PABPC4L: variants seen among roughly 807,000 people sequenced by gnomAD.
PABPC4L encodes the protein polyadenylate-binding protein 4-like.
For missense variants in PABPC4L, 452 were observed against 451.4 expected, an observed-to-expected ratio of 1.00 and a Z score of -0.01; for synonymous variants, 169 against 164.1, an observed-to-expected ratio of 1.03 and a Z score of -0.23.
the PABPC4L span, among the ~76,000 whole-genome samples, chr4:133,982,594 A>G: frequency 2.0e-5 from 3 of 152,060 alleles, no homozygotes; most frequent in African/African-American, 7.2e-5. Context: ...AATAAATAGT[A>G]AGAAGTTTCA....
At chr4:133,997,145 A>T in the PABPC4L span, among the ~76,000 whole-genome samples, 1 of 152,132 alleles carries the variant, frequency 6.6e-6, no homozygotes, top group African/African-American at 2.4e-5. Context: ...ACCATACTGA[A>T]ATTAGGTTAA....
the PABPC4L span, among the ~76,000 whole-genome samples, chr4:134,109,598 T>C: frequency 6.6e-6 from 1 of 151,514 alleles, no homozygotes; most frequent in African/African-American, 2.4e-5. Flanking sequence ...ATTCAAGAAA[T>C]AAAGGAAAAT....
chr4:133,992,664 G>C, the PABPC4L span, among the ~76,000 whole-genome samples: 1 of 152,120 alleles, frequency 6.6e-6, no homozygotes, highest in African/African-American at 2.4e-5. Flanking sequence ...AAGAGATGAG[G>C]CCAATAGAAT....
the PABPC4L span, among the ~76,000 whole-genome samples, chr4:134,117,577 T>G: frequency 6.6e-6 from 1 of 151,756 alleles, no homozygotes; most frequent in African/African-American, 2.4e-5. Flanking sequence ...AAAATTATTG[T>G]TGGTTTGAAC....
the PABPC4L span, among the ~76,000 whole-genome samples, chr4:134,172,185 A>T: frequency 1.3e-5 from 2 of 152,154 alleles, no homozygotes; most frequent in African/African-American, 4.8e-5. Flanking sequence ...TTCACATGGA[A>T]CCAAAAAAAA....
At chr4:134,174,122 A>G in the PABPC4L span, among the ~76,000 whole-genome samples, 34 of 152,062 alleles carry the variant, frequency 2.2e-4, no homozygotes, top group South Asian at 1.2e-3. Context: ...ACATCAACAC[A>G]CATTTTCCTA....
chr4:134,078,296 G>C, the PABPC4L span, among the ~76,000 whole-genome samples: 4 of 152,222 alleles, frequency 2.6e-5, no homozygotes, highest in East Asian at 7.7e-4. Flanking sequence ...AGCACCAAAA[G>C]CACGTGTATA....
the PABPC4L span, among the ~76,000 whole-genome samples, chr4:134,144,137 T>C: frequency 6.6e-6 from 1 of 151,536 alleles, no homozygotes; most frequent in Admixed American, 6.6e-5. Context: ...ACCTTTTTCT[T>C]TGTAGTTTTT....
chr4:133,984,796 G>A, the PABPC4L span, among the ~76,000 whole-genome samples: 2 of 151,814 alleles, frequency 1.3e-5, no homozygotes, highest in Admixed American at 1.3e-4. Flanking sequence ...AAATGACAGC[G>A]AGATTAGAGA....
At chr4:133,972,229 G>A in the PABPC4L span, among the ~76,000 whole-genome samples, 1 of 152,068 alleles carries the variant, frequency 6.6e-6, no homozygotes, top group Non-Finnish European at 1.5e-5. Context: ...TATCATTGGT[G>A]GCATAATAAT....
the PABPC4L span, among the ~76,000 whole-genome samples, chr4:133,978,441 C>T: frequency 6.6e-6 from 1 of 152,060 alleles, no homozygotes; most frequent in South Asian, 2.1e-4. Flanking sequence ...TACTTCATCT[C>T]TACAAATAAT....
chr4:134,201,224 C>T lies in PABPC4L; in HGVS notation c.-205G>A. On this transcript the variant is annotated 5_prime_UTR_variant, in exon 2 of 2. Coordinates refer to ENST00000421491, the MANE Select transcript of PABPC4L (RefSeq NM_001114734.2). ...AGTCCCCACAGCCACCAATCTGGCC[C>T]TCCTAGGACGCGGCAACAGAACTGT... The T allele has an allele frequency of 6.5e-7, 1 of 1,540,108 alleles. No homozygotes were observed. Among genetic ancestry groups the T allele is most frequent in the South Asian group, 1.2e-5 (1 of 83,078 alleles).
At chr4:134,131,305 A>T in the PABPC4L span, among the ~76,000 whole-genome samples, 1 of 152,050 alleles carries the variant, frequency 6.6e-6, no homozygotes, top group Non-Finnish European at 1.5e-5. Flanking sequence ...CTGAAGACTC[A>T]TCCAAAAATC....
the PABPC4L span, among the ~76,000 whole-genome samples, chr4:134,120,357 T>G: frequency 6.7e-6 from 1 of 149,782 alleles, no homozygotes; most frequent in Admixed American, 6.7e-5. Flanking sequence ...AGGCTATTAT[T>G]GATAATTAAT....
At chr4:134,156,631 T>C in the PABPC4L span, among the ~76,000 whole-genome samples, 1 of 151,906 alleles carries the variant, frequency 6.6e-6, no homozygotes, top group Non-Finnish European at 1.5e-5. Flanking sequence ...TATAAGGAAA[T>C]TATATTAGAA....
chr4:134,090,939 C>A, the PABPC4L span, among the ~76,000 whole-genome samples: 3 of 151,890 alleles, frequency 2.0e-5, no homozygotes, highest in Non-Finnish European at 4.4e-5. Flanking sequence ...CTTCTAATAT[C>A]TGGTAAGTCT....
the PABPC4L span, among the ~76,000 whole-genome samples, chr4:134,013,683 G>A: frequency 6.6e-6 from 1 of 151,926 alleles, no homozygotes; most frequent in South Asian, 2.1e-4. Flanking sequence ...TTACACATCG[G>A]TCCCTCCCTA....
the PABPC4L span, among the ~76,000 whole-genome samples, chr4:134,135,563 T>C: frequency 9.9e-5 from 15 of 152,230 alleles, no homozygotes; most frequent in South Asian, 3.1e-3. Flanking sequence ...GCCGGTATGG[T>C]GGCTCATGAC....
the PABPC4L span, among the ~76,000 whole-genome samples, chr4:134,041,516 G>C: frequency 6.6e-6 from 1 of 151,954 alleles, no homozygotes; most frequent in African/African-American, 2.4e-5. Flanking sequence ...TCATAAATGG[G>C]AGTTGAACAA....
Sources: gnomAD v4.1 joint callset for allele counts (sites outside exome capture counted in the v4.1 genomes callset) on GRCh38, gnomAD v4.1.1 for gene constraint, MANE v1.5 for transcripts, NCBI Gene and HGNC (gene_info 2026-07-23, HGNC 2026-07-21) for gene names.